EDIL3: variants seen among roughly 807,000 people sequenced by gnomAD.
EDIL3 encodes EGF-like repeat and discoidin I-like domain-containing protein 3.
EDIL3 carries 37 observed loss-of-function variants against 67.4 expected under a neutral mutation model. That is an observed-to-expected ratio of 0.55 (90% CI 0.42 to 0.72). EDIL3 has a LOEUF of 0.72. EDIL3 is among the 30% of genes least tolerant of loss of function. The pLI, the probability that EDIL3 is intolerant of heterozygous loss-of-function variation, is 0.00. For synonymous variants in EDIL3, 195 were observed against 196.3 expected (o/e 0.99, Z 0.05); for missense variants, 527 against 586.3 (o/e 0.90, Z 1.04).
At chr5:84,115,717 T>C (rs164430) in intron 5 of EDIL3, among the ~76,000 whole-genome samples, 59,959 of 152,020 alleles carry the variant, frequency 0.39, 12,403 homozygotes, top group Non-Finnish European at 0.46. Context: ...ATGAAACATT[T>C]GTCTGTAAAG....
intron 9 of EDIL3, among the ~76,000 whole-genome samples, chr5:84,013,921 T>C (rs1030299500): frequency 2.0e-5 from 3 of 152,150 alleles, no homozygotes; most frequent in South Asian, 2.1e-4. Context: ...ATAGATTGAA[T>C]TGTAGATAAA....
rs76092568 is a variant in EDIL3 at position 84,081,468 on chromosome 5, T to G, written c.652-14862A>C. 6.7e-3 allele frequency among the ~76,000 whole-genome samples: 1,017 copies of G among 152,060 alleles called. 11 individuals carry two copies. Among genetic ancestry groups the G allele is most frequent in the African/African-American group, 0.023 (967 of 41,460 alleles). On this transcript the variant is annotated intron_variant, in intron 6 of 10. Transcript: ENST00000296591. ...ACATGAGTAGAAATGCTAATCCCAA[T>G]AAAAACCACATTAGAAACAATGAAA... is the stretch of plus-strand genomic sequence containing the variant.
intron 9 of EDIL3, among the ~76,000 whole-genome samples, chr5:84,028,825 G>C (rs1238944308): frequency 3.9e-5 from 6 of 152,058 alleles, no homozygotes; most frequent in Non-Finnish European, 8.8e-5. Context: ...TAAGATTCAT[G>C]ATATGGTTTG....
chr5:84,096,833 A>G (rs1048665520), intron 6 of EDIL3, among the ~76,000 whole-genome samples: 1 of 152,138 alleles, frequency 6.6e-6, no homozygotes, highest in African/African-American at 2.4e-5. Flanking sequence ...GACCCAGTGA[A>G]AGATAAGTGA....
chr5:84,046,933 T>C (rs1746235555), intron 9 of EDIL3, among the ~76,000 whole-genome samples: 1 of 152,324 alleles, frequency 6.6e-6, no homozygotes, highest in Middle Eastern at 3.4e-3. Context: ...TACACTTCTG[T>C]TTCTTGCTTT....
chr5:83,980,216 T>G (rs1456206028), intron 9 of EDIL3, among the ~76,000 whole-genome samples: 1 of 151,892 alleles, frequency 6.6e-6, no homozygotes, highest in Non-Finnish European at 1.5e-5. Context: ...CATCTAAAAG[T>G]GTCAGCTTAA....
chr5:84,258,339 T>C (rs1182462939), intron 1 of EDIL3, among the ~76,000 whole-genome samples: 1 of 152,056 alleles, frequency 6.6e-6, no homozygotes, highest in Non-Finnish European at 1.5e-5. Flanking sequence ...ATGAAAGACA[T>C]GAGGGTGGGG....
intron 1 of EDIL3, 59 bp downstream of exon 1, chr5:84,384,249 G>T: frequency 1.3e-6 from 2 of 1,564,056 alleles, no homozygotes; most frequent in Non-Finnish European, 1.7e-6. Flanking sequence ...CCTGCGCGGC[G>T]TTTCTCAGGG....
chr5:84,350,958 T>C (rs1747344648), intron 1 of EDIL3, among the ~76,000 whole-genome samples: 1 of 152,252 alleles, frequency 6.6e-6, no homozygotes, highest in East Asian at 1.9e-4. Flanking sequence ...TCTTTGGTAC[T>C]GAGTCTTTGG....
chr5:84,250,588 T>C (rs1428885376), intron 2 of EDIL3, among the ~76,000 whole-genome samples: 1 of 152,138 alleles, frequency 6.6e-6, no homozygotes, highest in Non-Finnish European at 1.5e-5. Context: ...ATCAACAACC[T>C]GAAACAAAGC....
intron 9 of EDIL3, among the ~76,000 whole-genome samples, chr5:84,018,012 C>T (rs1355547424): frequency 6.6e-6 from 1 of 152,148 alleles, no homozygotes; most frequent in Non-Finnish European, 1.5e-5. Context: ...ATGGACATGA[C>T]CTTTCTTTCG....
intron 1 of EDIL3, among the ~76,000 whole-genome samples, chr5:84,347,713 T>A (rs1334122350): frequency 6.6e-6 from 1 of 152,230 alleles, no homozygotes; most frequent in Non-Finnish European, 1.5e-5. Flanking sequence ...TCTTTCCCAA[T>A]ATTAAGCTGT....
intron 1 of EDIL3, among the ~76,000 whole-genome samples, chr5:84,254,918 A>T (rs979447639): frequency 3.9e-5 from 6 of 152,186 alleles, no homozygotes; most frequent in African/African-American, 1.4e-4. Flanking sequence ...CATGGCCATG[A>T]AAAGCTAGAA....
intron 9 of EDIL3, among the ~76,000 whole-genome samples, chr5:84,047,288 G>T (rs1360679419): frequency 6.6e-6 from 1 of 151,994 alleles, no homozygotes; most frequent in Non-Finnish European, 1.5e-5. Context: ...TATTAAGTAA[G>T]TATTTAATAA....
At chr5:84,117,806 T>C (rs1286167246) in intron 5 of EDIL3, among the ~76,000 whole-genome samples, 2 of 152,138 alleles carry the variant, frequency 1.3e-5, no homozygotes, top group Non-Finnish European at 2.9e-5. Flanking sequence ...ACCACTCTAG[T>C]AGGTTAATTT....
chr5:84,130,457 T>C (rs1241830695), intron 5 of EDIL3, among the ~76,000 whole-genome samples: 2 of 152,172 alleles, frequency 1.3e-5, no homozygotes, highest in Non-Finnish European at 2.9e-5. Flanking sequence ...ATTGAATACA[T>C]TCACTATATT....
chr5:84,060,180 C>T (rs975469279), intron 9 of EDIL3, 120 bp downstream of exon 9: 33 of 1,213,750 alleles, frequency 2.7e-5, no homozygotes, highest in African/African-American at 6.1e-5. Context: ...TTAGTTAAAC[C>T]GAAGATGAAG....
chr5:84,076,663 T>C (rs760323155), intron 6 of EDIL3, among the ~76,000 whole-genome samples: 10 of 152,212 alleles, frequency 6.6e-5, no homozygotes, highest in Non-Finnish European at 1.0e-4. Flanking sequence ...GAAACTCACA[T>C]TGATAGTTAC....
intron 5 of EDIL3, among the ~76,000 whole-genome samples, chr5:84,111,026 C>T (rs941512793): frequency 2.0e-5 from 3 of 152,040 alleles, no homozygotes; most frequent in African/African-American, 7.2e-5. Flanking sequence ...CGGGCTTCCT[C>T]TTTGCTATTC....
Sources: gnomAD v4.1 joint callset for allele counts (sites outside exome capture counted in the v4.1 genomes callset) on GRCh38, gnomAD v4.1.1 for gene constraint, MANE v1.5 for transcripts, NCBI Gene and HGNC (gene_info 2026-07-23, HGNC 2026-07-21) for gene names.